SMC5: variants seen among roughly 807,000 people sequenced by gnomAD.
SMC5 encodes structural maintenance of chromosomes protein 5.
A neutral mutation model predicts 148.3 loss-of-function variants in SMC5; 88 were observed. The ratio of observed to expected loss-of-function variants is 0.59; its 90% confidence interval spans 0.50 to 0.71. SMC5 has a LOEUF of 0.71. SMC5 is among the 30% of genes least tolerant of loss of function. SMC5 has a pLI of 0.00. For synonymous variants in SMC5, 421 were observed against 432.8 expected (o/e 0.97, Z 0.34); for missense variants, 1,142 against 1,298.9 (o/e 0.88, Z 1.86).
rs570153445 is a variant in SMC5 at position 70,307,713 on chromosome 9, A to G, written c.1578+2353A>G. ...GAGACGGGGTTTCACCATGTTGACC[A>G]GGCTGCTCTCGAACTCCTGACCTCA... On this transcript the variant is annotated intron_variant, in intron 11 of 24. Coordinates refer to ENST00000361138, the MANE Select transcript of SMC5 (RefSeq NM_015110.4). Among the ~76,000 whole-genome samples the G allele has an allele frequency of 2.0e-5, 3 of 152,206 alleles. No homozygotes were observed. The East Asian group carries it at 5.8e-4, about 30-fold the overall frequency.
intron 8 of SMC5, among the ~76,000 whole-genome samples, chr9:70,296,392 G>T (rs2035201305): frequency 6.6e-6 from 1 of 151,972 alleles, no homozygotes; most frequent in East Asian, 1.9e-4. Context: ...TGAAAACCCA[G>T]TTCTACTAAA....
At chr9:70,267,694 G>T (rs1367104146) in intron 2 of SMC5, among the ~76,000 whole-genome samples, 1 of 152,130 alleles carries the variant, frequency 6.6e-6, no homozygotes, top group Non-Finnish European at 1.5e-5. Context: ...GCTATGGAGT[G>T]CATAGGAGTT....
intron 10 of SMC5, among the ~76,000 whole-genome samples, chr9:70,300,986 T>C (rs1285429122): frequency 6.6e-6 from 1 of 152,184 alleles, no homozygotes; most frequent in Non-Finnish European, 1.5e-5. Context: ...GTTTGTGTTA[T>C]ACTTTATTAA....
intron 8 of SMC5, among the ~76,000 whole-genome samples, chr9:70,291,620 G>T (rs2035062694): frequency 6.6e-6 from 1 of 152,162 alleles, no homozygotes; most frequent in Non-Finnish European, 1.5e-5. Flanking sequence ...ATTGTTTGCT[G>T]TAACTGTTAT....
intron 22 of SMC5, among the ~76,000 whole-genome samples, chr9:70,348,670 A>G (rs1378436551): frequency 6.6e-6 from 1 of 152,116 alleles, no homozygotes; most frequent in Non-Finnish European, 1.5e-5. Flanking sequence ...CAGCCTGGGC[A>G]ACAAAACCAG....
Position 70,280,906 on chromosome 9 carries a change from C to A in SMC5, c.819+7C>A. ...AGCAAAAAGGCCATGGGTGGTAAGT[C>A]ATAATTTTTAGAGGCAAAGTACGTG... On this transcript the variant is annotated splice_region_variant and intron_variant, in intron 6 of 24. Coordinates refer to ENST00000361138, the MANE Select transcript of SMC5 (RefSeq NM_015110.4). 1 of 1,613,126 alleles carries A rather than the reference C, an allele frequency of 6.2e-7. No homozygotes were observed. The highest frequency in any genetic ancestry group is 1.1e-5 in the South Asian group (1 of 90,780).
At position 70,289,299 on chromosome 9, in the gene SMC5, A is replaced by G. The variant is rs193099814; in HGVS notation, c.1053+3028A>G. Among the ~76,000 whole-genome samples the G allele has an allele frequency of 1.4e-4, 21 of 152,220 alleles. No homozygotes were observed. The East Asian group carries it at 2.9e-3, about 21-fold the overall frequency. ...GTGATCCACCTGCCTTGGCCTCCCAAAGTGCTAGAATTACAAGTGTGAGCT... is the reference window on the plus strand; with the variant it reads ...GTGATCCACCTGCCTTGGCCTCCCAGAGTGCTAGAATTACAAGTGTGAGCT... On this transcript the variant is annotated intron_variant, in intron 8 of 24. Coordinates refer to ENST00000361138, the MANE Select transcript of SMC5 (RefSeq NM_015110.4).
At chr9:70,316,175 A>G (rs1244383377) in intron 13 of SMC5, among the ~76,000 whole-genome samples, 1 of 152,050 alleles carries the variant, frequency 6.6e-6, no homozygotes, top group Non-Finnish European at 1.5e-5. Context: ...TCCAAACCGT[A>G]TGCACTTTTA....
rs2034010051 is a variant in SMC5 at position 70,259,143 on chromosome 9, GAGA to G, written c.66_68del (p.Arg22_Asp23delinsSer). 6.2e-7 allele frequency: 1 copy of G among 1,612,778 alleles called. No individual in the cohort carries two copies. Among genetic ancestry groups the G allele is most frequent in the African/African-American group, 1.3e-5 (1 of 74,928 alleles). On this transcript the variant is annotated inframe_deletion, in exon 1 of 25. Transcript: ENST00000361138. ...CAGCCTTCCAAGAGAGCTCTCCCGA[GAGA>G]CCCTTCGTCGGAGGTCCCGAGCAAG... is the stretch of plus-strand genomic sequence containing the variant.
intron 2 of SMC5, among the ~76,000 whole-genome samples, chr9:70,267,530 T>C (rs1040783882): frequency 1.2e-4 from 19 of 152,172 alleles, no homozygotes; most frequent in African/African-American, 4.1e-4. Context: ...GAGTGCTTAG[T>C]GGTTATACTA....
At chr9:70,264,786 A>G (rs2117964424) in intron 2 of SMC5, among the ~76,000 whole-genome samples, 1 of 152,336 alleles carries the variant, frequency 6.6e-6, no homozygotes, top group African/African-American at 2.4e-5. Context: ...ATGGGAATAT[A>G]TTCTGAGAAA....
chr9:70,311,787 C>G (rs2035665254), intron 11 of SMC5: 1 of 151,686 alleles, frequency 6.6e-6, no homozygotes, highest in Non-Finnish European at 1.5e-5. Flanking sequence ...CCTATAGTTA[C>G]TTTGTAGAGT....
intron 3 of SMC5, among the ~76,000 whole-genome samples, chr9:70,268,464 A>G (rs2034353738): frequency 6.6e-6 from 1 of 150,884 alleles, no homozygotes; most frequent in Non-Finnish European, 1.5e-5. Context: ...GCCCCCCCCA[A>G]AAAAAAAACT....
intron 9 of SMC5, 54 bp downstream of exon 9, chr9:70,298,275 TTGA>T (rs1587659368): frequency 3.3e-6 from 5 of 1,523,138 alleles, no homozygotes; most frequent in Non-Finnish European, 4.4e-6. Flanking sequence ...TACATCTCTG[TTGA>T]TGAACTTTCT....
At chr9:70,316,594 C>G (rs2035809225) in intron 13 of SMC5, among the ~76,000 whole-genome samples, 1 of 151,916 alleles carries the variant, frequency 6.6e-6, no homozygotes, top group South Asian at 2.1e-4. Flanking sequence ...ATGCATAGAC[C>G]AAACCAATTT....
At chr9:70,306,242 A>G (rs1554694619) in intron 11 of SMC5, among the ~76,000 whole-genome samples, 2 of 151,972 alleles carry the variant, frequency 1.3e-5, no homozygotes, top group African/African-American at 2.4e-5. Context: ...TTTTTTTTGT[A>G]TGCCTTGTTT....
In SMC5 at chr9:70,268,511, G is replaced by C. The variant is rs2034355139; in HGVS notation, c.380+536G>C. ...TATTTTAAAAAATTATCAAGGAAATGATAAGTTTATAGCAGGTAATGAAAT... is the reference window on the plus strand; with the variant it reads ...TATTTTAAAAAATTATCAAGGAAATCATAAGTTTATAGCAGGTAATGAAAT... On this transcript the variant is annotated intron_variant, in intron 3 of 24. Coordinates refer to ENST00000361138, the MANE Select transcript of SMC5 (RefSeq NM_015110.4). Among the ~76,000 whole-genome samples the C allele has an allele frequency of 2.0e-5, 3 of 150,814 alleles. No individual in the cohort carries two copies. In the South Asian group the frequency reaches 6.2e-4, roughly 31 times the overall value.
At chr9:70,300,649 T>C (rs537465600) in intron 10 of SMC5, among the ~76,000 whole-genome samples, 1 of 152,220 alleles carries the variant, frequency 6.6e-6, no homozygotes, top group East Asian at 1.9e-4. Flanking sequence ...AACCAATACC[T>C]TATTGACATC....
intron 3 of SMC5, among the ~76,000 whole-genome samples, chr9:70,274,469 C>T (rs1564024367): frequency 7.0e-6 from 1 of 143,720 alleles, no homozygotes; most frequent in Admixed American, 6.9e-5. Flanking sequence ...TAGTTAGCAG[C>T]TTTTTTTTTT....
Sources: gnomAD v4.1 joint callset for allele counts (sites outside exome capture counted in the v4.1 genomes callset) on GRCh38, gnomAD v4.1.1 for gene constraint, MANE v1.5 for transcripts, NCBI Gene and HGNC (gene_info 2026-07-23, HGNC 2026-07-21) for gene names.